EPB41L4B: variants seen among roughly 807,000 people sequenced by gnomAD.
The protein encoded by EPB41L4B is erythrocyte membrane protein band 4.1 like 4B.
A neutral mutation model predicts 112.5 loss-of-function variants in EPB41L4B; 30 were observed. The ratio of observed to expected loss-of-function variants is 0.27; its 90% CI spans 0.20 to 0.36. EPB41L4B has a LOEUF of 0.36. Among genes scored for constraint, EPB41L4B ranks in the 10% least tolerant of loss-of-function variants. EPB41L4B has a pLI of 1.00. For missense variants in EPB41L4B, 1,024 were observed against 1,133.3 expected, an observed-to-expected ratio of 0.90 and a Z score of 1.38; for synonymous variants, 408 against 439.7, an observed-to-expected ratio of 0.93 and a Z score of 0.90.
chr9:109,298,498 G>C (rs1393199088), intron 1 of EPB41L4B, among the ~76,000 whole-genome samples: 2 of 152,036 alleles, frequency 1.3e-5, no homozygotes, highest in African/African-American at 4.8e-5. Context: ...ATTTTTAGTA[G>C]AGACAGGGTT....
At chr9:109,226,770 A>AG (rs1833794582) in intron 15 of EPB41L4B, among the ~76,000 whole-genome samples, 8 of 146,122 alleles carry the variant, frequency 5.5e-5, no homozygotes, top group African/African-American at 2.0e-4. Flanking sequence ...ATATATATGA[A>AG]TATATATATG....
At chr9:109,308,818 C>T (rs527916527) in intron 1 of EPB41L4B, among the ~76,000 whole-genome samples, 33 of 152,280 alleles carry the variant, frequency 2.2e-4, no homozygotes, top group African/African-American at 7.9e-4. Flanking sequence ...AGACTCATGC[C>T]TGTAATCTCA....
chr9:109,287,605 CT>C (rs1836341496), intron 1 of EPB41L4B, among the ~76,000 whole-genome samples: 1 of 152,162 alleles, frequency 6.6e-6, no homozygotes, highest in African/African-American at 2.4e-5. Flanking sequence ...CGTGGCTCCC[CT>C]TTATCTACCT....
At chr9:109,185,712 C>T (rs1832236887) in intron 22 of EPB41L4B, 107 bp from the exon 23 acceptor site, 2 of 794,870 alleles carry the variant, frequency 2.5e-6, no homozygotes, top group Non-Finnish European at 3.9e-6. Flanking sequence ...CAGTGCAAGA[C>T]AGATCTGGCA....
At chr9:109,223,329 G>T (rs1237473548) in intron 15 of EPB41L4B, among the ~76,000 whole-genome samples, 1 of 151,936 alleles carries the variant, frequency 6.6e-6, no homozygotes, top group Admixed American at 6.6e-5. Context: ...TAGCTACTCA[G>T]GAGGCTTAGA....
At chr9:109,319,003 C>G (rs1004156203) in intron 1 of EPB41L4B, among the ~76,000 whole-genome samples, 1 of 152,204 alleles carries the variant, frequency 6.6e-6, no homozygotes, top group African/African-American at 2.4e-5. Flanking sequence ...CCCGGGAAGG[C>G]CTATATACTT....
intron 22 of EPB41L4B, 34 bp from the exon 23 acceptor site, chr9:109,185,639 A>C (rs1479598661): frequency 1.3e-6 from 2 of 1,525,042 alleles, no homozygotes; most frequent in African/African-American, 2.7e-5. Flanking sequence ...GGGGAGGAGG[A>C]GGTGGCAAGA....
chr9:109,253,550 A>G lies in EPB41L4B; in HGVS notation c.1170T>C (p.Ser390=). The G allele has an allele frequency of 1.9e-6, 3 of 1,594,566 alleles. No homozygotes were observed. Among genetic ancestry groups the G allele is most frequent in the Non-Finnish European group, 2.6e-6 (3 of 1,162,704 alleles). The change falls in exon 12 of 26, where the codon AGT becomes AGC. Residue 390 remains serine, a splice_region_variant and synonymous_variant. Coordinates refer to ENST00000374566, the MANE Select transcript of EPB41L4B (RefSeq NM_019114.5). ...FIRLGSRFRF[S]GRTEYQATHG... ...GTGTAGCTTGATATTCTGTCCGCCC[A>G]CTGGGAAGTAAATATTTTCTCGTGT...
intron 13 of EPB41L4B, among the ~76,000 whole-genome samples, chr9:109,248,199 G>T (rs564541975): frequency 6.6e-6 from 1 of 152,190 alleles, no homozygotes; most frequent in Non-Finnish European, 1.5e-5. Flanking sequence ...CTCTTCCCAC[G>T]GCAGGGGGAG....
chr9:109,262,351 A>G (rs545120935), intron 6 of EPB41L4B, among the ~76,000 whole-genome samples: 7 of 152,232 alleles, frequency 4.6e-5, no homozygotes, highest in African/African-American at 1.7e-4. Flanking sequence ...CCATCCCCAG[A>G]AACAGCCTGA....
chr9:109,224,634 G>C (rs1407662786), intron 15 of EPB41L4B, among the ~76,000 whole-genome samples: 1 of 152,052 alleles, frequency 6.6e-6, no homozygotes, highest in Non-Finnish European at 1.5e-5. Flanking sequence ...TTGCAGCGAT[G>C]GTTGCACAAC....
At chr9:109,306,309 G>A (rs1837189514) in intron 1 of EPB41L4B, among the ~76,000 whole-genome samples, 2 of 152,118 alleles carry the variant, frequency 1.3e-5, no homozygotes, top group Admixed American at 1.3e-4. Flanking sequence ...AGAATCACCT[G>A]GGGAGTTTTA....
intron 2 of EPB41L4B, among the ~76,000 whole-genome samples, chr9:109,274,236 T>TA (rs1237554859): frequency 2.0e-5 from 3 of 152,118 alleles, no homozygotes; most frequent in Admixed American, 6.5e-5. Context: ...GGGAAGGACT[T>TA]ACAGTGGCCA....
At chr9:109,223,619 G>T (rs184542440) in intron 15 of EPB41L4B, among the ~76,000 whole-genome samples, 3 of 152,076 alleles carry the variant, frequency 2.0e-5, no homozygotes, top group African/African-American at 7.2e-5. Flanking sequence ...CTTTTCAGGG[G>T]AGCCCTGGGG....
intron 15 of EPB41L4B, among the ~76,000 whole-genome samples, chr9:109,234,412 T>A (rs1288358184): frequency 6.6e-6 from 1 of 152,210 alleles, no homozygotes; most frequent in East Asian, 1.9e-4. Flanking sequence ...ATTGGTTAAA[T>A]ATATGCTCAT....
At chr9:109,287,218 A>G (rs1267756518) in intron 1 of EPB41L4B, among the ~76,000 whole-genome samples, 1 of 152,122 alleles carries the variant, frequency 6.6e-6, no homozygotes, top group Non-Finnish European at 1.5e-5. Flanking sequence ...TTGCTTATTC[A>G]CTGGTTCCTA....
At chr9:109,196,792 C>T (rs1832656488) in intron 20 of EPB41L4B, among the ~76,000 whole-genome samples, 1 of 151,410 alleles carries the variant, frequency 6.6e-6, no homozygotes, top group South Asian at 2.1e-4. Context: ...TCTCCATTCT[C>T]ACTGCATGTA....
chr9:109,321,031 C>T lies in EPB41L4B; in HGVS notation c.-585G>A, dbSNP rs1837859595. 5.3e-6 allele frequency: 1 copy of T among 189,936 alleles called. No homozygotes were observed. Among genetic ancestry groups the T allele is most frequent in the Middle Eastern group, 2.2e-3 (1 of 452 alleles). 11.8% of individuals were successfully genotyped at this position (189,936 alleles called of 1,614,324 possible). ...CCAGCCGCCGCCGCCGCCGCCGCCG[C>T]CGCTGCCGCCGGGACTGCAGCACGC... On this transcript the variant is annotated 5_prime_UTR_variant, in exon 1 of 26. Transcript: ENST00000374566.
chr9:109,241,358 A>G, intron 15 of EPB41L4B: 1 of 1,086,556 alleles, frequency 9.2e-7, no homozygotes, highest in Non-Finnish European at 1.1e-6. Context: ...CATTAATTAA[A>G]TAACAAAGAA....
Sources: allele counts gnomAD v4.1 joint callset (sites outside exome capture counted in the v4.1 genomes callset), GRCh38; gene constraint gnomAD v4.1.1; transcripts MANE v1.5; gene names NCBI Gene and HGNC (gene_info 2026-07-23, HGNC 2026-07-21).